The following PHACTR1 variants were observed in gnomAD, a reference collection of about 807,000 sequenced individuals.
The protein encoded by PHACTR1 is phosphatase and actin regulator 1.
Under a neutral mutation model 69.2 loss-of-function variants are expected in PHACTR1, and 16 were observed. The observed-to-expected ratio is 0.23, with a 90% CI of 0.16 to 0.35. PHACTR1 has a LOEUF of 0.35. PHACTR1 is among the 10% of genes least tolerant of loss of function. The pLI, the probability that PHACTR1 is intolerant of heterozygous loss-of-function variation, is 1.00. For synonymous variants in PHACTR1, 312 were observed against 284.5 expected (o/e 1.10, Z -0.97); for missense variants, 510 against 734.7 (o/e 0.69, Z 3.54).
At position 12,962,789 on chromosome 6, in the gene PHACTR1, A is replaced by C. The variant is rs1792917060; in HGVS notation, c.251-90576A>C. 2.0e-5 allele frequency among the ~76,000 whole-genome samples: 3 copies of C among 152,146 alleles called. No individual in the cohort carries two copies. The South Asian group carries it at 6.2e-4, about 32-fold the overall frequency. On this transcript the variant is annotated intron_variant, in intron 4 of 14. Transcript: ENST00000332995. ...AAGGATTACGGCATGTCTCTGGATAATTTCCCACTTCCTTTCACTGTTTCA... is the reference window on the plus strand; with the variant it reads ...AAGGATTACGGCATGTCTCTGGATACTTTCCCACTTCCTTTCACTGTTTCA...
chr6:12,870,583 T>C (rs1350653797), intron 4 of PHACTR1, among the ~76,000 whole-genome samples: 1 of 152,238 alleles, frequency 6.6e-6, no homozygotes, highest in Non-Finnish European at 1.5e-5. Flanking sequence ...GGCACATCTA[T>C]AATTGCACAT....
At chr6:13,041,259 G>T (rs1236091880) in intron 4 of PHACTR1, among the ~76,000 whole-genome samples, 2 of 151,280 alleles carry the variant, frequency 1.3e-5, no homozygotes, top group African/African-American at 4.9e-5. Context: ...TCTTGACAAA[G>T]ATATGAGCAG....
chr6:13,285,672 C>G (rs1283530972), intron 13 of PHACTR1, among the ~76,000 whole-genome samples: 6 of 152,184 alleles, frequency 3.9e-5, no homozygotes, highest in Non-Finnish European at 8.8e-5. Context: ...TGTAAAAGAG[C>G]AAAAACAAAC....
At chr6:13,234,818 C>T (rs1771740738) in intron 10 of PHACTR1, among the ~76,000 whole-genome samples, 1 of 152,174 alleles carries the variant, frequency 6.6e-6, no homozygotes, top group Non-Finnish European at 1.5e-5. Context: ...GAGACATGAA[C>T]ATTGGTCAAC....
At chr6:12,842,033 AG>A (rs1459744492) in intron 4 of PHACTR1, among the ~76,000 whole-genome samples, 2 of 152,198 alleles carry the variant, frequency 1.3e-5, no homozygotes, top group Admixed American at 1.3e-4. Flanking sequence ...ACTAGTAATA[AG>A]GAGATTCATT....
chr6:13,082,070 G>A (rs1811479680), intron 5 of PHACTR1, among the ~76,000 whole-genome samples: 1 of 152,118 alleles, frequency 6.6e-6, no homozygotes, highest in Non-Finnish European at 1.5e-5. Context: ...GGGCCTAGGT[G>A]GGATCATTTG....
intron 4 of PHACTR1, among the ~76,000 whole-genome samples, chr6:13,048,985 C>T (rs1315018745): frequency 6.6e-6 from 1 of 152,184 alleles, no homozygotes; most frequent in Non-Finnish European, 1.5e-5. Context: ...TATAAATCAG[C>T]TAAACCTAAT....
chr6:13,150,430 C>T (rs1469450285), intron 5 of PHACTR1, among the ~76,000 whole-genome samples: 1 of 151,932 alleles, frequency 6.6e-6, no homozygotes, highest in Admixed American at 6.6e-5. Flanking sequence ...AATTGAAAAC[C>T]CTCTTACCTA....
chr6:13,009,860 G>GCCACCA (rs142689950), intron 4 of PHACTR1, among the ~76,000 whole-genome samples: 3 of 145,484 alleles, frequency 2.1e-5, no homozygotes, highest in East Asian at 4.1e-4. Flanking sequence ...TCCCTACACT[G>GCCACCA]CCACCACCAC....
At chr6:12,891,712 A>AC (rs769164131) in intron 4 of PHACTR1, among the ~76,000 whole-genome samples, 11 of 152,152 alleles carry the variant, frequency 7.2e-5, no homozygotes, top group Non-Finnish European at 1.3e-4. Context: ...TGAACATGTA[A>AC]CCTATCCTTG....
At position 13,179,287 on chromosome 6, in the gene PHACTR1, C is replaced by T. The variant is rs1054669569; in HGVS notation, c.497-3232C>T. ...AAACCCAGTACTGATATATAAATAGCAGGACATGGAGAGACTAGTCTTCAA... is the reference window on the plus strand; with the variant it reads ...AAACCCAGTACTGATATATAAATAGTAGGACATGGAGAGACTAGTCTTCAA... On this transcript the variant is annotated intron_variant, in intron 6 of 14. Coordinates refer to ENST00000332995, the MANE Select transcript of PHACTR1 (RefSeq NM_030948.6). The surrounding 1 kb of genome is among the most constrained non-coding windows in gnomAD (Gnocchi z 4.2). Among the ~76,000 whole-genome samples the T allele has an allele frequency of 6.6e-6, 1 of 151,966 alleles. No homozygotes were observed. Among genetic ancestry groups the T allele is most frequent in the Non-Finnish European group, 1.5e-5 (1 of 68,008 alleles).
intron 4 of PHACTR1, among the ~76,000 whole-genome samples, chr6:12,856,613 A>G (rs540974676): frequency 9.9e-5 from 15 of 152,284 alleles, no homozygotes; most frequent in African/African-American, 2.9e-4. Context: ...ATGCAAATCT[A>G]TGATCAACCA....
chr6:12,980,015 G>T (rs1415215114), intron 4 of PHACTR1, among the ~76,000 whole-genome samples: 1 of 152,158 alleles, frequency 6.6e-6, no homozygotes, highest in Non-Finnish European at 1.5e-5. Context: ...GCCACAAGTG[G>T]AGATAGTTCT....
At chr6:13,038,505 A>G (rs928243726) in intron 4 of PHACTR1, among the ~76,000 whole-genome samples, 1 of 151,596 alleles carries the variant, frequency 6.6e-6, no homozygotes, top group Non-Finnish European at 1.5e-5. Flanking sequence ...AAAAAAAAAA[A>G]AAGGAAGGAC....
chr6:13,127,772 A>G (rs1819770389), intron 5 of PHACTR1, among the ~76,000 whole-genome samples: 1 of 152,044 alleles, frequency 6.6e-6, no homozygotes, highest in Non-Finnish European at 1.5e-5. Flanking sequence ...TGCCCTTTCT[A>G]TCTGTAGTGG....
intron 8 of PHACTR1, among the ~76,000 whole-genome samples, chr6:13,219,727 T>C (rs1407669628): frequency 1.3e-5 from 2 of 152,186 alleles, no homozygotes; most frequent in East Asian, 3.8e-4. Context: ...ACAGCAAAAT[T>C]CATAGCAAGA....
At chr6:12,946,882 G>C (rs146249159) in intron 4 of PHACTR1, among the ~76,000 whole-genome samples, 125 of 137,890 alleles carry the variant, frequency 9.1e-4, no homozygotes, top group Non-Finnish European at 1.5e-3. Context: ...GCACAATCTC[G>C]GCTCACTGCA....
At chr6:13,264,580 G>A (rs1776351485) in intron 10 of PHACTR1, among the ~76,000 whole-genome samples, 1 of 152,158 alleles carries the variant, frequency 6.6e-6, no homozygotes, top group Non-Finnish European at 1.5e-5. Context: ...ATTAGCTGGT[G>A]TGGTGGCATG....
chr6:12,907,959 A>G (rs1358035218), intron 4 of PHACTR1, among the ~76,000 whole-genome samples: 2 of 152,228 alleles, frequency 1.3e-5, no homozygotes, highest in Non-Finnish European at 2.9e-5. Flanking sequence ...TTATTTCACA[A>G]TATAAAAAGA....
Sources: allele counts gnomAD v4.1 joint callset (sites outside exome capture counted in the v4.1 genomes callset), GRCh38; gene constraint gnomAD v4.1.1; non-coding constraint Gnocchi (gnomAD v3.1); transcripts MANE v1.5; gene names NCBI Gene and HGNC (gene_info 2026-07-23, HGNC 2026-07-21).